The following ITPR2 variants were observed in gnomAD, a reference collection of about 807,000 sequenced individuals.
The protein encoded by ITPR2 is inositol 1,4,5-trisphosphate-gated calcium channel ITPR2.
In ITPR2, 207 loss-of-function variants were observed where a neutral mutation model predicts 317.1. That is an observed-to-expected ratio of 0.65 (90% CI 0.58 to 0.73). The LOEUF (loss-of-function observed/expected upper bound fraction) is 0.73. Ranked by LOEUF, ITPR2 falls within the 30% of genes least tolerant of loss-of-function variation. The pLI is 0.00. For missense variants in ITPR2, 2,613 were observed against 3,284.0 expected, an observed-to-expected ratio of 0.80 and a Z score of 4.99; for synonymous variants, 1,156 against 1,149.1, an observed-to-expected ratio of 1.01 and a Z score of -0.12.
At chr12:26,732,797 C>A (rs2137065039) in intron 2 of ITPR2, among the ~76,000 whole-genome samples, 1 of 152,262 alleles carries the variant, frequency 6.6e-6, no homozygotes, top group South Asian at 2.1e-4. Flanking sequence ...ACCTCAAGGC[C>A]ATTTAGAACA....
chr12:26,686,123 G>A (rs1432786329), intron 11 of ITPR2, among the ~76,000 whole-genome samples: 2 of 151,818 alleles, frequency 1.3e-5, no homozygotes, highest in Non-Finnish European at 2.9e-5. Flanking sequence ...CTACATAAAT[G>A]AACAAATGGA....
At chr12:26,758,596 G>A (rs1949571650) in intron 2 of ITPR2, among the ~76,000 whole-genome samples, 1 of 152,198 alleles carries the variant, frequency 6.6e-6, no homozygotes, top group Admixed American at 6.5e-5. Context: ...AACACAGGAT[G>A]TTCAAGTCTT....
intron 23 of ITPR2, among the ~76,000 whole-genome samples, chr12:26,626,190 C>G (rs983739527): frequency 6.6e-6 from 1 of 152,166 alleles, no homozygotes; most frequent in Non-Finnish European, 1.5e-5. Flanking sequence ...GTCTCAAACT[C>G]CTGGGCTCAA....
intron 37 of ITPR2, among the ~76,000 whole-genome samples, chr12:26,536,630 AAT>A (rs966293838): frequency 1.3e-5 from 2 of 152,244 alleles, no homozygotes; most frequent in African/African-American, 4.8e-5. Context: ...CTGAGTTAGC[AAT>A]CATGGAGTAG....
intron 14 of ITPR2, among the ~76,000 whole-genome samples, chr12:26,665,480 CAGT>C (rs1947604881): frequency 6.6e-6 from 1 of 152,208 alleles, no homozygotes; most frequent in Non-Finnish European, 1.5e-5. Flanking sequence ...TAATAGAACA[CAGT>C]AGAACTGATG....
rs1941667145 is a variant in ITPR2, at chr12:26,448,611, G to A, written c.6343-4961C>T. On this transcript the variant is annotated intron_variant, in intron 45 of 56. Coordinates refer to ENST00000381340, the MANE Select transcript of ITPR2 (RefSeq NM_002223.4). ...TCATAACAATGCAATGAATACATGG[G>A]TAGATACAGTGCAAGCATACAGATT... Among the ~76,000 whole-genome samples the A allele has an allele frequency of 2.0e-5, 3 of 152,202 alleles. No homozygotes were observed. The South Asian group carries it at 6.2e-4, about 32-fold the overall frequency.
chr12:26,415,582 A>G, intron 50 of ITPR2, 84 bp from the exon 51 acceptor site: 2 of 950,758 alleles, frequency 2.1e-6, no homozygotes, highest in Non-Finnish European at 3.0e-6. Context: ...ACAAATACAA[A>G]TGCAAGCCAT....
intron 2 of ITPR2, among the ~76,000 whole-genome samples, chr12:26,784,846 T>C (rs1414839251): frequency 7.2e-6 from 1 of 139,804 alleles, no homozygotes; most frequent in Non-Finnish European, 1.6e-5. Context: ...CTGCCCAGTC[T>C]GGAAGGTGAG....
At chr12:26,563,732 C>T (rs1944878020) in intron 34 of ITPR2, among the ~76,000 whole-genome samples, 1 of 152,180 alleles carries the variant, frequency 6.6e-6, no homozygotes, top group South Asian at 2.1e-4. Flanking sequence ...CAAACACAAA[C>T]ACAGCCTAAA....
chr12:26,787,209 G>A (rs1483151486), intron 2 of ITPR2, among the ~76,000 whole-genome samples: 1 of 152,208 alleles, frequency 6.6e-6, no homozygotes, highest in Non-Finnish European at 1.5e-5. Context: ...CATCATGGGA[G>A]AAAGGCTGGA....
rs200677371 is a variant in ITPR2, at chr12:26,654,132, T to C, written c.2590-6A>G. The C allele has an allele frequency of 1.2e-6, 1 of 840,964 alleles. No individual in the cohort carries two copies. Among genetic ancestry groups the C allele is most frequent in the Non-Finnish European group, 1.6e-6 (1 of 638,414 alleles). 52.1% of individuals were successfully genotyped at this position (840,964 alleles called of 1,614,324 possible). On this transcript the variant is annotated splice_region_variant and splice_polypyrimidine_tract_variant and intron_variant, in intron 20 of 56. Transcript: ENST00000381340. Reference sequence around the variant, plus strand: ...TTCCGAGCCAAGTGGACCACCTTAATAAAAAAAAAAAAGCGGGGAGGGGGA... The same window carrying C: ...TTCCGAGCCAAGTGGACCACCTTAACAAAAAAAAAAAAGCGGGGAGGGGGA...
At chr12:26,418,110 A>T (rs908201585) in intron 50 of ITPR2, among the ~76,000 whole-genome samples, 1 of 152,200 alleles carries the variant, frequency 6.6e-6, no homozygotes, top group Non-Finnish European at 1.5e-5. Context: ...TGGCTCTTTC[A>T]AATGTTTGAG....
At chr12:26,532,162 T>C (rs561669966) in intron 37 of ITPR2, among the ~76,000 whole-genome samples, 2 of 152,330 alleles carry the variant, frequency 1.3e-5, no homozygotes, top group African/African-American at 4.8e-5. Flanking sequence ...AAGGAATAAG[T>C]CATTGAGGCT....
At chr12:26,365,111 A>G (rs1938964945) in intron 55 of ITPR2, among the ~76,000 whole-genome samples, 1 of 152,252 alleles carries the variant, frequency 6.6e-6, no homozygotes, top group Non-Finnish European at 1.5e-5. Context: ...AGAACACAGA[A>G]GGGAGTCATA....
chr12:26,533,646 A>G (rs1051468355), intron 37 of ITPR2, among the ~76,000 whole-genome samples: 1 of 152,200 alleles, frequency 6.6e-6, no homozygotes, highest in South Asian at 2.1e-4. Context: ...TAGTGGCCCT[A>G]TAAGAAGAGG....
intron 22 of ITPR2, among the ~76,000 whole-genome samples, chr12:26,629,481 G>A (rs966809180): frequency 3.3e-5 from 5 of 151,896 alleles, no homozygotes. Context: ...CAGCTACCAT[G>A]GATGCTGAGG....
At chr12:26,398,766 T>C (rs566800462) in intron 54 of ITPR2, 110 bp downstream of exon 54, 14 of 894,164 alleles carry the variant, frequency 1.6e-5, no homozygotes, top group Admixed American at 3.0e-5. Flanking sequence ...TTATCCAACC[T>C]TCATTTTGAA....
chr12:26,427,658 A>T (rs1025657571), intron 49 of ITPR2, among the ~76,000 whole-genome samples: 9 of 152,074 alleles, frequency 5.9e-5, no homozygotes, highest in African/African-American at 2.2e-4. Context: ...TTAAAATTGG[A>T]TTGGATTAAA....
rs1323860664 is a variant in ITPR2, at chr12:26,398,570, T to C, written c.7696+306A>G. ...ATGTGATTCTGTTGCATAATAAATA[T>C]GTTACTGTGATTAAAAATCTGTTTG... is the stretch of plus-strand genomic sequence containing the variant. On this transcript the variant is annotated intron_variant, in intron 54 of 56. Coordinates refer to ENST00000381340, the MANE Select transcript of ITPR2 (RefSeq NM_002223.4). Among the ~76,000 whole-genome samples the C allele has an allele frequency of 3.9e-5, 6 of 152,242 alleles. No homozygotes were observed. The South Asian group carries it at 1.0e-3, about 26-fold the overall frequency.
Sources: gnomAD v4.1 joint callset for allele counts (sites outside exome capture counted in the v4.1 genomes callset) on GRCh38, gnomAD v4.1.1 for gene constraint, MANE v1.5 for transcripts, NCBI Gene and HGNC (gene_info 2026-07-23, HGNC 2026-07-21) for gene names.